Variants in PABIR3 observed in about 807,000 individuals in gnomAD.
PABIR3 encodes PABIR family member 3.
A neutral mutation model predicts 23.1 loss-of-function variants in PABIR3; 20 were observed. The observed-to-expected ratio is 0.86, with a 90% confidence interval of 0.61 to 1.26. PABIR3 has a LOEUF of 1.26. Ranked by LOEUF, PABIR3 falls within the 50% of genes most tolerant of loss-of-function variation. The probability of loss-of-function intolerance (pLI) is 0.00; values close to 1 mark genes in which losing one functional copy is unlikely to be tolerated. For synonymous variants in PABIR3, 69 were observed against 68.5 expected, an observed-to-expected ratio of 1.01 and a Z score of -0.04; for missense variants, 189 against 195.4, an observed-to-expected ratio of 0.97 and a Z score of 0.20.
Position 134,845,344 on chromosome X carries a change from T to C in PABIR3, c.291-3T>C. On this transcript the variant is annotated splice_polypyrimidine_tract_variant and splice_region_variant and intron_variant, in intron 5 of 10. Coordinates refer to ENST00000645433, the MANE Select transcript of PABIR3 (RefSeq NM_001388447.1). Reference sequence around the variant, plus strand: ...CAAACTGCAGTTTTGATTTCTTTTGTAGGAAGCTACAAAGTGAGATACAGA... The same window carrying C: ...CAAACTGCAGTTTTGATTTCTTTTGCAGGAAGCTACAAAGTGAGATACAGA... 8.3e-7 allele frequency: 1 copy of C among 1,206,624 alleles called. No individual in the cohort carries two copies. The highest frequency in any genetic ancestry group is 1.1e-6 in the Non-Finnish European group (1 of 893,378).
chrX:134,840,599 G>C (rs1023885521), intron 4 of PABIR3, among the ~76,000 whole-genome samples: 10 of 110,852 alleles, frequency 9.0e-5, no homozygotes, highest in African/African-American at 3.0e-4. Flanking sequence ...GACGTCACCT[G>C]CCTAAGTTTG....
chrX:134,824,426 A>G (rs919448300), intron 3 of PABIR3, among the ~76,000 whole-genome samples: 13 of 112,172 alleles, frequency 1.2e-4, no homozygotes, highest in African/African-American at 4.2e-4. Context: ...ACATGGAAAG[A>G]CTCAGAATGT....
At chrX:134,798,693 A>G (rs1181767595) in intron 1 of PABIR3, among the ~76,000 whole-genome samples, 6 of 112,174 alleles carry the variant, frequency 5.3e-5, no homozygotes, top group Non-Finnish European at 9.4e-5. Context: ...TCATTGTCCC[A>G]GATTGTGGGA....
chrX:134,825,349 T>G (rs1018703118), intron 3 of PABIR3, among the ~76,000 whole-genome samples: 8 of 111,847 alleles, frequency 7.2e-5, no homozygotes, highest in Non-Finnish European at 1.5e-4. Context: ...ACCATTTATT[T>G]AGCACAAACT....
intron 2 of PABIR3, 141 bp downstream of exon 2, chrX:134,807,849 C>T (rs1248067537): frequency 1.5e-6 from 1 of 656,004 alleles, no homozygotes. Flanking sequence ...GAGATCCCAC[C>T]CTCAACCTTG....
chrX:134,847,751 C>T, intron 7 of PABIR3, 132 bp from the exon 8 acceptor site: 1 of 534,195 alleles, frequency 1.9e-6, no homozygotes, highest in African/African-American at 2.3e-5. Context: ...TTCCCACACT[C>T]AAAACAATTT....
downstream of PABIR3, among the ~76,000 whole-genome samples, chrX:134,856,911 C>T (rs1487339925): frequency 5.4e-5 from 6 of 110,747 alleles, no homozygotes; most frequent in East Asian, 1.7e-3. Flanking sequence ...ACTCAGGAGG[C>T]TTAGGCAGGA....
rs1336434362 is a variant in PABIR3 at position 134,854,115 on chromosome X, A to T, written c.711A>T (p.Gly237=). The change falls in exon 11 of 11, where the codon GGA becomes GGT. Residue 237 remains glycine (G), a synonymous_variant. Coordinates refer to ENST00000645433, the MANE Select transcript of PABIR3 (RefSeq NM_001388447.1). ...GTCTACTTCCAGCTACTTTTGATGG[A>T]AACGACAGCAATGCTGGATCTTCTG... ...NVYLLPATFD[G]NDSNAGSSGN... is the part of the protein sequence containing the mutation. 1 of 1,185,697 alleles carries T rather than the reference A, an allele frequency of 8.4e-7. No homozygotes were observed. Among genetic ancestry groups the T allele is most frequent in the Non-Finnish European group, 1.1e-6 (1 of 876,508 alleles).
At chrX:134,843,348 T>C (rs1310144965) in intron 4 of PABIR3, among the ~76,000 whole-genome samples, 1 of 110,577 alleles carries the variant, frequency 9.0e-6, no homozygotes, top group Non-Finnish European at 1.9e-5. Context: ...CTAAGAGATT[T>C]AGAGTTTTAT....
At chrX:134,847,793 C>T in intron 7 of PABIR3, 90 bp from the exon 8 acceptor site, 1 of 711,712 alleles carries the variant, frequency 1.4e-6, no homozygotes, top group South Asian at 2.4e-5. Flanking sequence ...AGTCTCCCTC[C>T]CTACCATCCC....
At chrX:134,822,078 G>T in intron 3 of PABIR3, 1 of 753,674 alleles carries the variant, frequency 1.3e-6, no homozygotes, top group Non-Finnish European at 1.6e-6. Flanking sequence ...CTAACCTCCC[G>T]CTACTTCTAC....
In PABIR3 at chrX:134,845,258, G is replaced by A. The variant is rs751778759; in HGVS notation, c.290+10G>A. The A allele has an allele frequency of 7.6e-6, 9 of 1,187,740 alleles. No individual in the cohort carries two copies. The Admixed American group carries it at 9.0e-5, about 12-fold the overall frequency. ...AAACAATGTCTGAATGGTGAGTACT[G>A]TACTTTGAATTACTATTCTGATAAT... On this transcript the variant is annotated intron_variant, in intron 5 of 10. Coordinates refer to ENST00000645433, the MANE Select transcript of PABIR3 (RefSeq NM_001388447.1).
intron 2 of PABIR3, chrX:134,809,341 AT>A (rs974465361): frequency 8.9e-5 from 15 of 168,344 alleles, no homozygotes; most frequent in Middle Eastern, 3.4e-3. Flanking sequence ...AATTTTTTGT[AT>A]TTTTAGTAGA....
chrX:134,840,139 T>C (rs779986696), intron 4 of PABIR3, among the ~76,000 whole-genome samples: 1 of 111,573 alleles, frequency 9.0e-6, no homozygotes, highest in South Asian at 3.8e-4. Flanking sequence ...ATGTGCTTTG[T>C]TAAACAGATG....
intron 3 of PABIR3, 79 bp downstream of exon 3, chrX:134,814,928 A>G: frequency 2.6e-6 from 2 of 775,604 alleles, no homozygotes; most frequent in Non-Finnish European, 3.7e-6. Flanking sequence ...AAACTTGAGC[A>G]TTCACAGGGA....
intron 2 of PABIR3, among the ~76,000 whole-genome samples, chrX:134,813,344 GAA>G (rs2080780317): frequency 8.9e-6 from 1 of 112,310 alleles, no homozygotes; most frequent in South Asian, 3.7e-4. Context: ...AGAAGGGAAA[GAA>G]GAGAGGCGAG....
chrX:134,848,109 G>C, intron 8 of PABIR3, 138 bp downstream of exon 8: 1 of 541,777 alleles, frequency 1.8e-6, no homozygotes, highest in South Asian at 3.2e-5. Flanking sequence ...TCATTGTTTC[G>C]GCTGGGCACG....
upstream of PABIR3, among the ~76,000 whole-genome samples, chrX:134,802,319 A>C (rs2080088907): frequency 9.0e-6 from 1 of 111,401 alleles, no homozygotes; most frequent in African/African-American, 3.3e-5. Flanking sequence ...TCCTGACCTC[A>C]GGTGATCCAC....
At chrX:134,808,385 GTTTA>G (rs1038562631) in intron 2 of PABIR3, among the ~76,000 whole-genome samples, 1 of 104,549 alleles carries the variant, frequency 9.6e-6, no homozygotes, top group Non-Finnish European at 2.0e-5. Flanking sequence ...TTATTTATTT[GTTTA>G]TTTATTTTTG....
Sources: gnomAD v4.1 joint callset for allele counts (sites outside exome capture counted in the v4.1 genomes callset) on GRCh38, gnomAD v4.1.1 for gene constraint, MANE v1.5 for transcripts, NCBI Gene and HGNC (gene_info 2026-07-23, HGNC 2026-07-21) for gene names.